Variants in CSMD1 observed in about 807,000 individuals in gnomAD.
CSMD1 encodes CUB and sushi domain-containing protein 1.
A neutral mutation model predicts 417.5 loss-of-function variants in CSMD1; 213 were observed. The observed-to-expected ratio is 0.51, with a 90% CI of 0.46 to 0.57. The LOEUF is 0.57. Among genes scored for constraint, CSMD1 ranks in the 20% least tolerant of loss-of-function variants. The pLI, the probability that CSMD1 is intolerant of heterozygous loss-of-function variation, is 0.00. For synonymous variants in CSMD1, 2,862 were observed against 1,736.8 expected (o/e 1.65, Z -16.11); for missense variants, 6,923 against 4,529.7 (o/e 1.53, Z -15.17).
At chr8:4,655,303 C>T (rs954742145) in intron 1 of CSMD1, among the ~76,000 whole-genome samples, 5 of 152,088 alleles carry the variant, frequency 3.3e-5, no homozygotes, top group Non-Finnish European at 7.4e-5. Context: ...GGCTGCCTGG[C>T]TGATCCTAGT....
chr8:3,306,575 G>A (rs1417639327), intron 25 of CSMD1, among the ~76,000 whole-genome samples: 3 of 152,154 alleles, frequency 2.0e-5, no homozygotes, highest in Non-Finnish European at 4.4e-5. Flanking sequence ...ATGGAGTGTA[G>A]ACGCCTGGGA....
intron 3 of CSMD1, among the ~76,000 whole-genome samples, chr8:4,412,952 G>T (rs867070323): frequency 8.6e-5 from 13 of 151,856 alleles, no homozygotes; most frequent in Admixed American, 4.6e-4. Context: ...AACAGAACTT[G>T]TATCATCAAT....
chr8:3,434,648 T>G (rs1477114956), intron 12 of CSMD1, among the ~76,000 whole-genome samples: 3 of 152,202 alleles, frequency 2.0e-5, no homozygotes, highest in Non-Finnish European at 2.9e-5. Context: ...CCTAATTGTT[T>G]GATCTGATCT....
intron 2 of CSMD1, among the ~76,000 whole-genome samples, chr8:4,428,652 C>A (rs1466942196): frequency 1.3e-5 from 2 of 151,938 alleles, no homozygotes; most frequent in Admixed American, 6.6e-5. Context: ...ACTTTTAGGG[C>A]TTATTAAAAT....
intron 9 of CSMD1, among the ~76,000 whole-genome samples, chr8:3,584,748 A>C (rs73489507): frequency 0.028 from 4,242 of 152,302 alleles, 178 homozygotes; most frequent in African/African-American, 0.096. Context: ...AAAATAATGA[A>C]GCCTATTTCC....
chr8:4,791,577 T>C (rs1331204325), intron 1 of CSMD1, among the ~76,000 whole-genome samples: 2 of 152,162 alleles, frequency 1.3e-5, no homozygotes, highest in African/African-American at 4.8e-5. Flanking sequence ...GAAACTAACG[T>C]GAGGAAATCT....
At chr8:4,373,328 G>A (rs552561759) in intron 3 of CSMD1, among the ~76,000 whole-genome samples, 10 of 152,168 alleles carry the variant, frequency 6.6e-5, no homozygotes, top group African/African-American at 2.2e-4. Flanking sequence ...GAAAGTATGC[G>A]ACATAGGATT....
intron 1 of CSMD1, among the ~76,000 whole-genome samples, chr8:4,972,279 A>T (rs4559260): frequency 3.2e-4 from 47 of 148,502 alleles, no homozygotes; most frequent in African/African-American, 1.1e-3. Flanking sequence ...TTGCTCTGTC[A>T]CCACCAAAAA....
chr8:3,592,588 T>A (rs990523442), intron 8 of CSMD1, among the ~76,000 whole-genome samples: 2 of 152,050 alleles, frequency 1.3e-5, no homozygotes, highest in Admixed American at 6.5e-5. Flanking sequence ...TGAATGAAAG[T>A]ATTTGCTTAA....
chr8:3,536,963 T>G (rs532737592), intron 10 of CSMD1, among the ~76,000 whole-genome samples: 43 of 152,192 alleles, frequency 2.8e-4, no homozygotes, highest in Non-Finnish European at 5.4e-4. Context: ...AGCTTTCACA[T>G]GCAACATTGT....
At chr8:4,160,968 A>G (rs1243135568) in intron 3 of CSMD1, among the ~76,000 whole-genome samples, 2 of 152,226 alleles carry the variant, frequency 1.3e-5, no homozygotes, top group Non-Finnish European at 2.9e-5. Flanking sequence ...CAGTTGATAT[A>G]AAAATTGTTA....
At chr8:4,840,182 C>A (rs1800759588) in intron 1 of CSMD1, among the ~76,000 whole-genome samples, 1 of 152,220 alleles carries the variant, frequency 6.6e-6, no homozygotes, top group African/African-American at 2.4e-5. Context: ...TGCGTCGTGG[C>A]CCCTCCACTC....
intron 3 of CSMD1, among the ~76,000 whole-genome samples, chr8:4,189,131 A>G (rs955386262): frequency 1.3e-5 from 2 of 152,232 alleles, no homozygotes; most frequent in Non-Finnish European, 2.9e-5. Context: ...TGCCCTGTAA[A>G]CCAAGTTTGT....
chr8:3,362,134 A>G (rs1479803203), intron 20 of CSMD1, among the ~76,000 whole-genome samples: 2 of 152,208 alleles, frequency 1.3e-5, no homozygotes, highest in East Asian at 3.8e-4. Flanking sequence ...GTCAATCTTA[A>G]GAATGAGATA....
intron 2 of CSMD1, among the ~76,000 whole-genome samples, chr8:4,626,912 G>C (rs1585353210): frequency 6.6e-6 from 1 of 152,082 alleles, no homozygotes; most frequent in Non-Finnish European, 1.5e-5. Context: ...ATTATTTTTA[G>C]TACATTCAAA....
At chr8:4,890,155 T>C (rs1804011309) in intron 1 of CSMD1, among the ~76,000 whole-genome samples, 1 of 152,126 alleles carries the variant, frequency 6.6e-6, no homozygotes, top group South Asian at 2.1e-4. Flanking sequence ...CCCTTAATTT[T>C]GTTTTAAAGA....
intron 1 of CSMD1, among the ~76,000 whole-genome samples, chr8:4,767,149 A>G (rs956376045): frequency 2.0e-5 from 3 of 152,172 alleles, no homozygotes; most frequent in Non-Finnish European, 2.9e-5. Flanking sequence ...GGTTAATAAC[A>G]GTTTGGACAT....
intron 1 of CSMD1, among the ~76,000 whole-genome samples, chr8:4,946,090 C>G (rs1443281882): frequency 6.6e-6 from 1 of 152,144 alleles, no homozygotes. Context: ...TCCACTTGCA[C>G]ACCCAGCTGT....
intron 4 of CSMD1, 41 bp downstream of exon 4, chr8:4,031,864 T>C (rs750994749): frequency 6.8e-7 from 1 of 1,461,042 alleles, no homozygotes; most frequent in South Asian, 1.4e-5. Context: ...ACCATTGCCC[T>C]GCCCTGGAGT....
Sources: gnomAD v4.1 joint callset for allele counts (sites outside exome capture counted in the v4.1 genomes callset) on GRCh38, gnomAD v4.1.1 for gene constraint, MANE v1.5 for transcripts, NCBI Gene and HGNC (gene_info 2026-07-23, HGNC 2026-07-21) for gene names.